The following IL20RA variants were observed in gnomAD, a reference collection of about 807,000 sequenced individuals.
IL20RA encodes the protein interleukin-20 receptor subunit alpha.
A neutral mutation model predicts 36.5 loss-of-function variants in IL20RA; 29 were observed. The ratio of observed to expected loss-of-function variants is 0.79; its 90% CI spans 0.59 to 1.08. The LOEUF (loss-of-function observed/expected upper bound fraction) is 1.08, where lower values mean the gene tolerates loss of function less well. Among genes scored for constraint, IL20RA ranks in the 50% least tolerant of loss-of-function variants. IL20RA has a pLI of 0.00. For synonymous variants in IL20RA, 279 were observed against 267.1 expected, an observed-to-expected ratio of 1.04 and a Z score of -0.43; for missense variants, 652 against 668.4, an observed-to-expected ratio of 0.98 and a Z score of 0.27.
At chr6:137,044,057 G>A in intron 1 of IL20RA, 1 of 967,500 alleles carries the variant, frequency 1.0e-6, no homozygotes, top group Non-Finnish European at 1.2e-6. Flanking sequence ...AACTGCAAAG[G>A]AAACAACGGC....
In IL20RA at chr6:137,013,128, T is replaced by A. The variant is rs1322391; in HGVS notation, c.225-1676A>T. 3.0e-4 allele frequency among the ~76,000 whole-genome samples: 45 copies of A among 152,366 alleles called. No homozygotes were observed. The South Asian group carries it at 9.3e-3, about 32-fold the overall frequency. On this transcript the variant is annotated intron_variant, in intron 2 of 6. Transcript: ENST00000316649. Reference sequence around the variant, plus strand: ...TGCCTTGCATTCAGTTATTTTTCATTCCAGTCCATTCCACACCATTCCATT... The same window carrying A: ...TGCCTTGCATTCAGTTATTTTTCATACCAGTCCATTCCACACCATTCCATT...
In IL20RA at chr6:137,001,948, C is replaced by A; in HGVS notation, c.1272G>T (p.Glu424Asp). ...PEEQELSLQE[E>D]VSTQGTLLES... The stretch of plus-strand genomic sequence containing the variant: ...CCAATAATGTTCCTTGTGTGGACAC[C>A]TCCTCCTGCAAACTGAGCTCCTGCT... Residue 424 changes from glutamate to aspartate, a missense_variant, in exon 7 of 7, where the codon GAG (glutamate) becomes GAT (aspartate). Transcript: ENST00000316649. 6.2e-7 allele frequency: 1 copy of A among 1,614,136 alleles called. No individual in the cohort carries two copies. Among genetic ancestry groups the A allele is most frequent in the Non-Finnish European group, 8.5e-7 (1 of 1,180,034 alleles).
In IL20RA at chr6:137,001,405, C is replaced by G. The variant is rs1403300294; in HGVS notation, c.*153G>C. 3 of 683,870 alleles carry G rather than the reference C, an allele frequency of 4.4e-6. No homozygotes were observed. Among genetic ancestry groups the G allele is most frequent in the Non-Finnish European group, 7.3e-6 (3 of 410,158 alleles). 42.4% of individuals were successfully genotyped at this position (683,870 alleles called of 1,614,324 possible). A position where few individuals can be genotyped will look rare whatever the true frequency, so the allele number is the denominator to read the frequency against. ...CCTACATGCATGAACCAATCACACA[C>G]GTGCTATGAGAATAGAGAAAAGAAA... is the stretch of plus-strand genomic sequence containing the variant. On this transcript the variant is annotated 3_prime_UTR_variant, in exon 7 of 7. Transcript: ENST00000316649.
intron 1 of IL20RA, among the ~76,000 whole-genome samples, chr6:137,033,262 G>A (rs1252423243): frequency 6.6e-6 from 1 of 152,166 alleles, no homozygotes. Flanking sequence ...GCCTTCATGT[G>A]GTTTTTCTGA....
intron 1 of IL20RA, among the ~76,000 whole-genome samples, chr6:137,034,647 T>G (rs960270073): frequency 1.6e-4 from 24 of 151,778 alleles, no homozygotes; most frequent in African/African-American, 5.6e-4. Flanking sequence ...CACTTAAGAG[T>G]GAGAACATGT....
chr6:137,020,466 C>A (rs1237393469), intron 1 of IL20RA, among the ~76,000 whole-genome samples: 5 of 147,678 alleles, frequency 3.4e-5, no homozygotes, highest in African/African-American at 5.0e-5. Context: ...AAACTGAAAG[C>A]ATCTAAGACA....
chr6:137,023,337 G>A (rs1339136581), intron 1 of IL20RA, among the ~76,000 whole-genome samples: 1 of 152,010 alleles, frequency 6.6e-6, no homozygotes, highest in East Asian at 1.9e-4. Flanking sequence ...TTGGAAAGCT[G>A]ACAAAGAGGA....
Position 137,001,557 on chromosome 6 carries a change from A to G in IL20RA, c.*1T>C. Reference sequence around the variant, plus strand: ...ACAAAAGGCAAAAGGAAGTGTTGGCATCAGTTTTCCATCTGCACATATAAC... The same window carrying G: ...ACAAAAGGCAAAAGGAAGTGTTGGCGTCAGTTTTCCATCTGCACATATAAC... On this transcript the variant is annotated 3_prime_UTR_variant, in exon 7 of 7. Transcript: ENST00000316649. 1 of 1,531,684 alleles carries G rather than the reference A, an allele frequency of 6.5e-7. No individual in the cohort carries two copies. The highest frequency in any genetic ancestry group is 8.8e-7 in the Non-Finnish European group (1 of 1,137,608). 94.9% of individuals were successfully genotyped at this position (1,531,684 alleles called of 1,614,324 possible). A position where few individuals can be genotyped will look rare whatever the true frequency, so the allele number is the denominator to read the frequency against.
rs560229046 is a variant in IL20RA at position 137,008,688 on chromosome 6, G to T, written c.635C>A (p.Thr212Asn). ...GGACTCCACGTGTACGCAGTAAAGA[G>T]TGTTCGGCTCCAGCCAGGTGAGCAC... ...TLVLTWLEPN[T>N]LYCVHVESFV... is the part of the protein sequence containing the mutation. The change falls in exon 5 of 7, where the codon ACT (threonine) becomes AAT (asparagine). Residue 212 changes from threonine (T) to asparagine (N), a missense_variant. Transcript: ENST00000316649. The T allele has an allele frequency of 1.9e-6, 3 of 1,608,288 alleles. No individual in the cohort carries two copies. The highest frequency in any genetic ancestry group is 2.5e-6 in the Non-Finnish European group (3 of 1,177,408).
intron 4 of IL20RA, 85 bp downstream of exon 4, chr6:137,009,232 G>T: frequency 9.2e-7 from 1 of 1,084,548 alleles, no homozygotes; most frequent in Non-Finnish European, 1.4e-6. Flanking sequence ...TTCACATGCA[G>T]AGAATCAATG....
Position 137,017,063 on chromosome 6 carries a change from G to A in IL20RA, c.129C>T (p.Ile43=), listed in dbSNP as rs1775719710. The A allele has an allele frequency of 1.9e-6, 3 of 1,613,600 alleles. No homozygotes were observed. The highest frequency in any genetic ancestry group is 2.5e-6 in the Non-Finnish European group (3 of 1,179,520). The change falls in exon 2 of 7, where the codon ATC becomes ATT. Residue 43 remains isoleucine, a synonymous_variant. Transcript: ENST00000316649. ...TCTTCATGTTGATGGATAAGAAGGTGATGTTTGCAGGTTTAGGCAAACCAC... is the reference window on the plus strand; with the variant it reads ...TCTTCATGTTGATGGATAAGAAGGTAATGTTTGCAGGTTTAGGCAAACCAC... The part of the protein sequence containing the change: ...VSGGLPKPAN[I]TFLSINMKNV...
intron 1 of IL20RA, chr6:137,044,041 GGT>G: frequency 1.1e-6 from 1 of 900,264 alleles, no homozygotes; most frequent in Non-Finnish European, 1.3e-6. Flanking sequence ...ATCTGTACAT[GGT>G]CATAACTGCA....
intron 1 of IL20RA, among the ~76,000 whole-genome samples, chr6:137,043,307 C>G: frequency 6.6e-6 from 1 of 151,890 alleles, no homozygotes; most frequent in East Asian, 1.9e-4. Flanking sequence ...CCGTATGTTG[C>G]CCAGGCTGGT....
chr6:137,014,953 C>T (rs1775627832), intron 2 of IL20RA, among the ~76,000 whole-genome samples: 1 of 152,172 alleles, frequency 6.6e-6, no homozygotes, highest in Non-Finnish European at 1.5e-5. Context: ...CTCCTGAGTT[C>T]CCACCTGCTT....
intron 6 of IL20RA, 72 bp from the exon 7 acceptor site, chr6:137,002,427 A>C: frequency 3.1e-6 from 3 of 964,444 alleles, no homozygotes; most frequent in South Asian, 3.4e-5. Context: ...GTTAGGTAGA[A>C]TATCTTGTCA....
At chr6:137,009,010 T>C (rs1428864761) in intron 4 of IL20RA, 1 of 560,068 alleles carries the variant, frequency 1.8e-6, no homozygotes. Flanking sequence ...CCTGGGTCCT[T>C]GCTCACATTT....
In IL20RA at chr6:137,004,159, C is replaced by CGTT. The variant is rs531501235; in HGVS notation, c.864+461_864+462insAAC. On this transcript the variant is annotated intron_variant, in intron 6 of 6. Transcript: ENST00000316649. ...TCTGTTAGTCAGCTAATCCAGAAAG[C>CGTT]TTTTTTTTTTTTTTTTTTTTTTTTT... 2.8e-4 allele frequency among the ~76,000 whole-genome samples: 25 copies of CGTT among 88,014 alleles called. 12 individuals carry two copies. Among genetic ancestry groups the CGTT allele is most frequent in the Non-Finnish European group, 2.6e-4 (13 of 49,124 alleles). The allele number at this position is 88,014 out of a possible 152,430, so 57.7% of individuals were successfully genotyped here.
intron 6 of IL20RA, among the ~76,000 whole-genome samples, chr6:137,003,857 T>C (rs1314287672): frequency 6.6e-6 from 1 of 152,126 alleles, no homozygotes; most frequent in Non-Finnish European, 1.5e-5. Flanking sequence ...CTGTTTCTTC[T>C]GCCTGCACTA....
chr6:137,038,353 A>G (rs533133301), intron 1 of IL20RA, among the ~76,000 whole-genome samples: 1 of 151,340 alleles, frequency 6.6e-6, no homozygotes. Context: ...GCAGCTAGGC[A>G]TTACCAAGCC....
Sources: allele counts gnomAD v4.1 joint callset (sites outside exome capture counted in the v4.1 genomes callset), GRCh38; gene constraint gnomAD v4.1.1; transcripts MANE v1.5; gene names NCBI Gene and HGNC (gene_info 2026-07-23, HGNC 2026-07-21).